Variants in SLC44A5 observed in about 807,000 individuals in gnomAD.
SLC44A5 encodes choline transporter-like protein 5.
SLC44A5 carries 57 observed loss-of-function variants against 101.8 expected under a neutral mutation model. The observed-to-expected ratio is 0.56, with a 90% CI of 0.45 to 0.70. The LOEUF is 0.70. SLC44A5 is among the 30% of genes least tolerant of loss of function. The pLI is 0.00. For synonymous variants in SLC44A5, 281 were observed against 290.9 expected, an observed-to-expected ratio of 0.97 and a Z score of 0.35; for missense variants, 737 against 853.1, an observed-to-expected ratio of 0.86 and a Z score of 1.70.
intron 18 of SLC44A5, among the ~76,000 whole-genome samples, chr1:75,217,258 CTGTTT>C (rs1353145284): frequency 1.3e-5 from 2 of 151,968 alleles, no homozygotes; most frequent in Non-Finnish European, 2.9e-5. Context: ...TCTGGGATTT[CTGTTT>C]TATTTTACCT....
In SLC44A5 at chr1:75,367,540, C is replaced by G. The variant is rs144639347; in HGVS notation, c.53-27910G>C. 3.5e-3 allele frequency among the ~76,000 whole-genome samples: 532 copies of G among 152,266 alleles called. 3 individuals carry two copies. Among genetic ancestry groups the G allele is most frequent in the Non-Finnish European group, 4.6e-3 (314 of 68,004 alleles). ...ACAGGACTGCTCCTGGATCATGGCT[C>G]AGAGGACCTGGAGTTGGGTCACATA... is the stretch of plus-strand genomic sequence containing the variant. On this transcript the variant is annotated intron_variant, in intron 3 of 23. Coordinates refer to ENST00000370859, the MANE Select transcript of SLC44A5 (RefSeq NM_001130058.2).
chr1:75,679,679 C>G, the SLC44A5 span, among the ~76,000 whole-genome samples: 1 of 152,012 alleles, frequency 6.6e-6, no homozygotes, highest in African/African-American at 2.4e-5. Context: ...TAAAGACCAT[C>G]GAGACTAGGA....
chr1:75,342,945 C>G (rs1426372314), intron 3 of SLC44A5, among the ~76,000 whole-genome samples: 1 of 152,102 alleles, frequency 6.6e-6, no homozygotes. Context: ...TCACCCTGCC[C>G]CCATGTGCTG....
At chr1:75,420,520 T>A (rs1663938365) in intron 2 of SLC44A5, among the ~76,000 whole-genome samples, 1 of 152,282 alleles carries the variant, frequency 6.6e-6, no homozygotes, top group Non-Finnish European at 1.5e-5. Context: ...AAGGCAGAGC[T>A]TGTAAATTTA....
chr1:75,679,412 T>C, the SLC44A5 span, among the ~76,000 whole-genome samples: 1 of 152,134 alleles, frequency 6.6e-6, no homozygotes, highest in African/African-American at 2.4e-5. Flanking sequence ...ACAGCGGATC[T>C]CTCAACAGAA....
chr1:75,324,333 T>A (rs1007823475), intron 4 of SLC44A5, among the ~76,000 whole-genome samples: 1 of 152,128 alleles, frequency 6.6e-6, no homozygotes, highest in Admixed American at 6.6e-5. Flanking sequence ...AGATCCACCA[T>A]AACAGGAACA....
intron 2 of SLC44A5, among the ~76,000 whole-genome samples, chr1:75,468,678 C>G (rs978041721): frequency 6.6e-6 from 1 of 151,890 alleles, no homozygotes; most frequent in African/African-American, 2.4e-5. Flanking sequence ...CTGGGAAAGG[C>G]AGCAATGGGG....
intron 2 of SLC44A5, among the ~76,000 whole-genome samples, chr1:75,528,123 G>T (rs1670521368): frequency 6.6e-6 from 1 of 152,014 alleles, no homozygotes; most frequent in South Asian, 2.1e-4. Flanking sequence ...TTCCAGTTCT[G>T]AGAACCACTA....
chr1:75,456,854 C>A (rs1465902438), intron 2 of SLC44A5, among the ~76,000 whole-genome samples: 1 of 152,212 alleles, frequency 6.6e-6, no homozygotes, highest in Non-Finnish European at 1.5e-5. Context: ...TTATAAGAAG[C>A]ACCTTATAGT....
At chr1:75,668,315 CTTTTTTTTTT>C in the SLC44A5 span, among the ~76,000 whole-genome samples, 1 of 65,088 alleles carries the variant, frequency 1.5e-5, no homozygotes, top group Admixed American at 2.2e-4. Flanking sequence ...TCCTAGGAGC[CTTTTTTTTTT>C]TTTTTTTTTT....
intron 5 of SLC44A5, among the ~76,000 whole-genome samples, chr1:75,297,240 C>T (rs1341091271): frequency 6.6e-6 from 1 of 152,112 alleles, no homozygotes; most frequent in Non-Finnish European, 1.5e-5. Flanking sequence ...AACTAAATCA[C>T]CCAAAGAGTA....
At chr1:75,504,151 T>A (rs1015280039) in intron 2 of SLC44A5, among the ~76,000 whole-genome samples, 7 of 152,216 alleles carry the variant, frequency 4.6e-5, no homozygotes, top group Non-Finnish European at 1.0e-4. Context: ...CATAAAGTTA[T>A]CTTAAAATAA....
chr1:75,586,065 T>C (rs1229134848), intron 1 of SLC44A5, among the ~76,000 whole-genome samples: 1 of 152,192 alleles, frequency 6.6e-6, no homozygotes, highest in East Asian at 1.9e-4. Context: ...GATGTATCTA[T>C]GAGGGTGTTT....
At chr1:75,596,178 G>T (rs1674619995) in intron 1 of SLC44A5, among the ~76,000 whole-genome samples, 1 of 150,408 alleles carries the variant, frequency 6.6e-6, no homozygotes, top group African/African-American at 2.5e-5. Context: ...AAACTAAAGT[G>T]ATAGTTCAAC....
At chr1:75,673,137 CA>C in the SLC44A5 span, among the ~76,000 whole-genome samples, 2 of 152,090 alleles carry the variant, frequency 1.3e-5, no homozygotes, top group African/African-American at 4.8e-5. Context: ...GGTAGAGCAC[CA>C]ACTGGGCTCT....
chr1:75,677,606 C>A, the SLC44A5 span: 3 of 294,926 alleles, frequency 1.0e-5, no homozygotes, highest in South Asian at 2.6e-5. Context: ...AAACTAATAA[C>A]AAAATGGTAG....
the SLC44A5 span, among the ~76,000 whole-genome samples, chr1:75,645,278 T>C: frequency 1.4e-4 from 21 of 152,280 alleles, no homozygotes; most frequent in Middle Eastern, 6.8e-3. Context: ...CCACATCCTC[T>C]CCAGCACCTG....
intron 1 of SLC44A5, among the ~76,000 whole-genome samples, chr1:75,550,483 C>T: frequency 6.6e-6 from 1 of 151,934 alleles, no homozygotes; most frequent in Admixed American, 6.6e-5. Context: ...GCTTGCAAAA[C>T]ATTGTGAATG....
chr1:75,322,451 C>T (rs1351312389), intron 4 of SLC44A5, among the ~76,000 whole-genome samples: 9 of 151,906 alleles, frequency 5.9e-5, no homozygotes, highest in East Asian at 3.9e-4. Context: ...CAAATTAGCA[C>T]GGTGATCATT....
Sources: gnomAD v4.1 joint callset for allele counts (sites outside exome capture counted in the v4.1 genomes callset) on GRCh38, gnomAD v4.1.1 for gene constraint, MANE v1.5 for transcripts, NCBI Gene and HGNC (gene_info 2026-07-23, HGNC 2026-07-21) for gene names.